Variants in LDB2 observed in about 807,000 individuals in gnomAD.
LDB2 encodes the protein LIM domain-binding protein 2.
Under a neutral mutation model 44.3 loss-of-function variants are expected in LDB2, and 12 were observed. The ratio of observed to expected loss-of-function variants is 0.27; its 90% CI spans 0.17 to 0.44. LDB2 has a LOEUF of 0.44. Among genes scored for constraint, LDB2 ranks in the 20% least tolerant of loss-of-function variants. LDB2 has a pLI of 1.00. For missense variants in LDB2, 344 were observed against 473.5 expected (o/e 0.73, Z 2.54); for synonymous variants, 164 against 174.8 (o/e 0.94, Z 0.49).
intron 1 of LDB2, among the ~76,000 whole-genome samples, chr4:16,828,149 C>T (rs748179117): frequency 1.3e-5 from 2 of 152,196 alleles, no homozygotes; most frequent in African/African-American, 4.8e-5. Flanking sequence ...TTCTTACAGA[C>T]GCTCTTTATG....
In LDB2 at chr4:16,529,093, C is replaced by T. The variant is rs143211966; in HGVS notation, c.616-16989G>A. Among the ~76,000 whole-genome samples, 315 of 152,284 alleles carry T rather than the reference C, an allele frequency of 2.1e-3. 2 individuals carry two copies. The highest frequency in any genetic ancestry group is 7.1e-3 in the African/African-American group (297 of 41,558). ...TACTTGGTGTTTACAGGGTACCAGG[C>T]ACTGGGCTCAGTGCCTTACCCCCGG... On this transcript the variant is annotated intron_variant, in intron 5 of 7. Transcript: ENST00000304523.
intron 5 of LDB2, among the ~76,000 whole-genome samples, chr4:16,570,351 T>C (rs1261220626): frequency 2.0e-5 from 3 of 149,754 alleles, no homozygotes; most frequent in Non-Finnish European, 4.4e-5. Context: ...TAGTTCCAGC[T>C]ACTGGGGAGG....
intron 5 of LDB2, among the ~76,000 whole-genome samples, chr4:16,568,634 G>T (rs1010185302): frequency 1.3e-5 from 2 of 152,080 alleles, no homozygotes; most frequent in African/African-American, 4.8e-5. Context: ...ATTGGTTCCA[G>T]GACCCCCACG....
intron 7 of LDB2, chr4:16,506,084 TA>T: frequency 1.6e-6 from 2 of 1,270,404 alleles, no homozygotes; most frequent in Non-Finnish European, 2.1e-6. Flanking sequence ...GCTGTGGTCA[TA>T]GTGGCACATG....
At chr4:16,639,123 A>C (rs937564594) in intron 2 of LDB2, among the ~76,000 whole-genome samples, 1 of 152,212 alleles carries the variant, frequency 6.6e-6, no homozygotes, top group Non-Finnish European at 1.5e-5. Context: ...GAATAAACTA[A>C]GTATTATAAT....
At chr4:16,565,183 T>C (rs899338237) in intron 5 of LDB2, among the ~76,000 whole-genome samples, 1 of 152,210 alleles carries the variant, frequency 6.6e-6, no homozygotes, top group Admixed American at 6.5e-5. Context: ...CTATCTGGTC[T>C]TGCCCAAGTT....
chr4:16,510,557 T>A (rs572985330), intron 6 of LDB2, among the ~76,000 whole-genome samples: 17 of 152,330 alleles, frequency 1.1e-4, no homozygotes, highest in South Asian at 4.1e-4. Flanking sequence ...CAAGTGTACC[T>A]AAAATGCGTA....
chr4:16,700,288 A>T (rs1049309046), intron 2 of LDB2, among the ~76,000 whole-genome samples: 9 of 152,160 alleles, frequency 5.9e-5, no homozygotes, highest in African/African-American at 1.9e-4. Flanking sequence ...TAAATGGTCA[A>T]CTTCTCATTT....
At chr4:16,749,591 T>A (rs10222819) in intron 2 of LDB2, among the ~76,000 whole-genome samples, 26,847 of 134,018 alleles carry the variant, frequency 0.2, 2,844 homozygotes, top group East Asian at 0.43. Flanking sequence ...TAAAAAAAAA[T>A]ATATATATAT....
chr4:16,895,215 G>C (rs1219803419), intron 1 of LDB2, among the ~76,000 whole-genome samples: 1 of 151,188 alleles, frequency 6.6e-6, no homozygotes, highest in Non-Finnish European at 1.5e-5. Flanking sequence ...TAACTAGTTT[G>C]TAAGAGTTAG....
chr4:16,586,503 C>CACACACACACACACACACACAA, intron 4 of LDB2, among the ~76,000 whole-genome samples: 1 of 111,958 alleles, frequency 8.9e-6, no homozygotes, highest in East Asian at 2.7e-4. Context: ...CACACACACA[C>CACACACACACACACACACACAA]ACACACACAC....
intron 1 of LDB2, among the ~76,000 whole-genome samples, chr4:16,790,671 T>C (rs1254818269): frequency 6.6e-6 from 1 of 151,900 alleles, no homozygotes; most frequent in Admixed American, 6.5e-5. Context: ...AGCTAACATA[T>C]TATTTCCTCG....
Position 16,768,699 on chromosome 4 carries a change from T to G in LDB2, c.133-9439A>C, listed in dbSNP as rs554056177. Among the ~76,000 whole-genome samples, 17 of 152,258 alleles carry G rather than the reference T, an allele frequency of 1.1e-4. No individual in the cohort carries two copies. In the Middle Eastern group the frequency reaches 0.01, roughly 91 times the overall value. ...GCCACCCTTTCTCCAAAACCAAGGG[T>G]CTATCTCGAACCATGTTTATTTTGA... On this transcript the variant is annotated intron_variant, in intron 1 of 7. Transcript: ENST00000304523.
intron 2 of LDB2, among the ~76,000 whole-genome samples, chr4:16,712,504 A>C (rs940286354): frequency 6.6e-6 from 1 of 152,100 alleles, no homozygotes; most frequent in Admixed American, 6.5e-5. Context: ...GTGAGCCAAG[A>C]TTGCACCACT....
chr4:16,761,779 CCT>C (rs1767980358), intron 1 of LDB2, among the ~76,000 whole-genome samples: 1 of 152,226 alleles, frequency 6.6e-6, no homozygotes, highest in South Asian at 2.1e-4. Context: ...CCTTTCCCTG[CCT>C]CTGTCTACCA....
At chr4:16,750,934 T>C (rs942512637) in intron 2 of LDB2, 2 of 152,218 alleles carry the variant, frequency 1.3e-5, no homozygotes, top group Non-Finnish European at 2.9e-5. Context: ...ACACCTGTCA[T>C]TGTGACAATG....
At chr4:16,729,868 A>G (rs186956686) in intron 2 of LDB2, among the ~76,000 whole-genome samples, 4 of 152,212 alleles carry the variant, frequency 2.6e-5, no homozygotes, top group Admixed American at 2.6e-4. Flanking sequence ...TAAAATAACG[A>G]CCGCATGAAG....
At chr4:16,841,049 T>G (rs1347052793) in intron 1 of LDB2, among the ~76,000 whole-genome samples, 1 of 151,940 alleles carries the variant, frequency 6.6e-6, no homozygotes, top group African/African-American at 2.4e-5. Context: ...TGCAAACTCA[T>G]AACCTGTGAA....
At chr4:16,512,795 C>G (rs1269341496) in intron 5 of LDB2, among the ~76,000 whole-genome samples, 5 of 152,168 alleles carry the variant, frequency 3.3e-5, no homozygotes, top group Admixed American at 6.5e-5. Context: ...CTTGTTCCTT[C>G]CTTTGGTCAG....
Sources: allele counts gnomAD v4.1 joint callset (sites outside exome capture counted in the v4.1 genomes callset), GRCh38; gene constraint gnomAD v4.1.1; transcripts MANE v1.5; gene names NCBI Gene and HGNC (gene_info 2026-07-23, HGNC 2026-07-21).